The following CACNA1B variants were observed in gnomAD, a reference collection of about 807,000 sequenced individuals.
CACNA1B encodes voltage-dependent N-type calcium channel subunit alpha-1B.
Under a neutral mutation model 247.2 loss-of-function variants are expected in CACNA1B, and 70 were observed. The ratio of observed to expected loss-of-function variants is 0.28; its 90% CI spans 0.23 to 0.35. The LOEUF is 0.35. Among genes scored for constraint, CACNA1B ranks in the 10% least tolerant of loss-of-function variants. The pLI is 1.00. For missense variants in CACNA1B, 2,367 were observed against 3,197.4 expected (o/e 0.74, Z 6.26); for synonymous variants, 1,231 against 1,294.4 (o/e 0.95, Z 1.05).
intron 5 of CACNA1B, among the ~76,000 whole-genome samples, chr9:137,915,213 G>A (rs974350473): frequency 6.6e-6 from 1 of 152,212 alleles, no homozygotes; most frequent in African/African-American, 2.4e-5. Flanking sequence ...GCGGAGCAGC[G>A]AGAACAAGAG....
chr9:137,901,630 G>A (rs951919547), intron 3 of CACNA1B, among the ~76,000 whole-genome samples: 1 of 151,938 alleles, frequency 6.6e-6, no homozygotes. Flanking sequence ...TTTCCAAATG[G>A]GATATATAAG....
intron 39 of CACNA1B, 31 bp downstream of exon 39, chr9:138,105,838 T>C (rs372565369): frequency 6.5e-6 from 8 of 1,239,986 alleles, no homozygotes; most frequent in Non-Finnish European, 8.0e-6. Flanking sequence ...AGGAGGGCCC[T>C]GGACCCAGGG....
intron 3 of CACNA1B, among the ~76,000 whole-genome samples, chr9:137,894,160 A>G (rs1422908336): frequency 6.6e-6 from 1 of 152,206 alleles, no homozygotes; most frequent in Admixed American, 6.5e-5. Context: ...GAGTACAATC[A>G]TTAGGCCATG....
chr9:137,889,701 G>T (rs1165899642), intron 3 of CACNA1B, among the ~76,000 whole-genome samples: 1 of 148,432 alleles, frequency 6.7e-6, no homozygotes, highest in East Asian at 1.9e-4. Flanking sequence ...CCTCCCATCG[G>T]GCCTCCATGT....
chr9:138,096,602 C>A lies in CACNA1B; in HGVS notation c.5213C>A (p.Pro1738Gln). The change falls in exon 37 of 47, where the codon CCG becomes CAG. Residue 1738 changes from proline to glutamine, a missense_variant. This residue lies in a region of CACNA1B where 55 missense variants were observed against 107.8 expected (regional missense o/e 0.51). Coordinates refer to ENST00000371372, the MANE Select transcript of CACNA1B (RefSeq NM_000718.4). ...EFIRVWAEYD[P>Q]AACGRISYND... ...ATCCGGGTCTGGGCTGAATACGACC[C>A]GGCTGCGTGGTAAGTGAGCCGTGGT... 6.2e-7 allele frequency: 1 copy of A among 1,611,842 alleles called. No individual in the cohort carries two copies. The highest frequency in any genetic ancestry group is 8.5e-7 in the Non-Finnish European group (1 of 1,178,854).
intron 23 of CACNA1B, among the ~76,000 whole-genome samples, chr9:138,048,456 C>T (rs916166406): frequency 2.6e-5 from 4 of 152,150 alleles, no homozygotes; most frequent in Non-Finnish European, 5.9e-5. Flanking sequence ...GGATCTCAGC[C>T]GGTCACAAGC....
Position 138,010,956 on chromosome 9 carries a change from C to G in CACNA1B, c.2160+879C>G, listed in dbSNP as rs1958716532. 2.0e-5 allele frequency among the ~76,000 whole-genome samples: 3 copies of G among 152,148 alleles called. 1 individual carries two copies. The South Asian group carries it at 6.2e-4, about 32-fold the overall frequency. ...AAGAGTGAGTGCTGTGCAGGTGCCC[C>G]TGCTCCCCCCAGCCGAGCTCTCCAG... On this transcript the variant is annotated intron_variant, in intron 17 of 46. Coordinates refer to ENST00000371372, the MANE Select transcript of CACNA1B (RefSeq NM_000718.4). This position sits in a 1 kb window ranked among gnomAD's most constrained non-coding sequence, Gnocchi z 5.3.
chr9:138,026,779 G>A (rs1213906872), intron 20 of CACNA1B, among the ~76,000 whole-genome samples: 1 of 152,124 alleles, frequency 6.6e-6, no homozygotes, highest in Non-Finnish European at 1.5e-5. Flanking sequence ...ACTCATTTGG[G>A]TAAATACTTA....
chr9:138,068,558 C>T (rs752871918), intron 31 of CACNA1B: 5 of 517,744 alleles, frequency 9.7e-6, no homozygotes, highest in Non-Finnish European at 1.9e-5. Flanking sequence ...GTGCGCTTTC[C>T]GAGAGGCACA....
Position 137,986,076 on chromosome 9 carries a change from G to A in CACNA1B, c.1770-337G>A, listed in dbSNP as rs944256224. On this transcript the variant is annotated intron_variant, in intron 13 of 46. Transcript: ENST00000371372. The surrounding 1 kb of genome is among the most constrained non-coding windows in gnomAD (Gnocchi z 6.0). ...ACTTGGTGGCTGACTGGGTGTTGAG[G>A]AGTGAGGGGCAGGGAGGGGCCGAGG... 1.3e-5 allele frequency among the ~76,000 whole-genome samples: 2 copies of A among 152,232 alleles called. No individual in the cohort carries two copies. The highest frequency in any genetic ancestry group is 4.8e-5 in the African/African-American group (2 of 41,456).
intron 18 of CACNA1B, among the ~76,000 whole-genome samples, chr9:138,016,965 CTT>C (rs1172486793): frequency 6.6e-6 from 1 of 152,236 alleles, no homozygotes; most frequent in Non-Finnish European, 1.5e-5. Context: ...CTCAACTTCT[CTT>C]TCACCCTGAG....
intron 35 of CACNA1B, 94 bp downstream of exon 35, chr9:138,076,004 C>A (rs975446875): frequency 2.5e-6 from 2 of 805,602 alleles, no homozygotes; most frequent in Non-Finnish European, 2.1e-6. Context: ...CCGTGGAGAC[C>A]ACCCACTTCT....
chr9:138,104,550 C>T (rs1191696837), intron 38 of CACNA1B, among the ~76,000 whole-genome samples: 1 of 152,224 alleles, frequency 6.6e-6, no homozygotes, highest in African/African-American at 2.4e-5. Context: ...TGGGGCTTTG[C>T]CAGCATTCGG....
intron 36 of CACNA1B, among the ~76,000 whole-genome samples, chr9:138,090,701 CA>C (rs1173964720): frequency 5.2e-3 from 87 of 16,576 alleles, no homozygotes; most frequent in African/African-American, 0.022. Context: ...AACCCATCAG[CA>C]AAAAAAAAAA....
At chr9:137,902,838 C>T (rs1342276858) in intron 3 of CACNA1B, among the ~76,000 whole-genome samples, 4 of 152,202 alleles carry the variant, frequency 2.6e-5, no homozygotes, top group Admixed American at 2.0e-4. Flanking sequence ...GAGGGCCCCA[C>T]GAGTGCTCAC....
At chr9:138,092,844 C>CGGTCCCT (rs1960923698) in intron 36 of CACNA1B, among the ~76,000 whole-genome samples, 1 of 152,148 alleles carries the variant, frequency 6.6e-6, no homozygotes, top group African/African-American at 2.4e-5. Context: ...TGGCTTCAGC[C>CGGTCCCT]GGTCCCTCCG....
rs1957865908 is a variant in CACNA1B at position 137,950,440 on chromosome 9, G to T, written c.967-1834G>T. Among the ~76,000 whole-genome samples, 1 of 152,222 alleles carries T rather than the reference G, an allele frequency of 6.6e-6. No homozygotes were observed. The highest frequency in any genetic ancestry group is 1.5e-5 in the Non-Finnish European group (1 of 68,034). On this transcript the variant is annotated intron_variant, in intron 6 of 46. Transcript: ENST00000371372. This position sits in a 1 kb window ranked among gnomAD's most constrained non-coding sequence, Gnocchi z 4.8. ...ACCGCGGAGGTGGGCTTGGGCTGGG[G>T]GGCCGTGATAACCCCTGCTGAGGAG... is the stretch of plus-strand genomic sequence containing the variant.
At chr9:137,909,448 GTT>G (rs1957336393) in intron 3 of CACNA1B, among the ~76,000 whole-genome samples, 1 of 152,204 alleles carries the variant, frequency 6.6e-6, no homozygotes, top group Non-Finnish European at 1.5e-5. Flanking sequence ...GGGAGCGTAT[GTT>G]ATTTGCCCTT....
intron 6 of CACNA1B, among the ~76,000 whole-genome samples, chr9:137,920,173 A>G (rs1245320725): frequency 1.3e-5 from 2 of 151,796 alleles, no homozygotes; most frequent in Admixed American, 6.6e-5. Context: ...TGTCAGTTTG[A>G]TGGCCAGCTG....
Sources: gnomAD v4.1 joint callset for allele counts (sites outside exome capture counted in the v4.1 genomes callset) on GRCh38, gnomAD v4.1.1 for gene constraint, gnomAD v4.1.1 regional missense constraint, Gnocchi (gnomAD v3.1) non-coding constraint, MANE v1.5 for transcripts, NCBI Gene and HGNC (gene_info 2026-07-23, HGNC 2026-07-21) for gene names.